Variants in UACA observed in about 807,000 individuals in gnomAD.
UACA encodes the protein uveal autoantigen with coiled-coil domains and ankyrin repeats.
UACA carries 112 observed loss-of-function variants against 160.5 expected under a neutral mutation model. The ratio of observed to expected loss-of-function variants is 0.70; its 90% CI spans 0.60 to 0.82. UACA has a LOEUF of 0.82. Among genes scored for constraint, UACA ranks in the 40% least tolerant of loss-of-function variants. The pLI, the probability that UACA is intolerant of heterozygous loss-of-function variation, is 0.00. For synonymous variants in UACA, 557 were observed against 568.4 expected, an observed-to-expected ratio of 0.98 and a Z score of 0.29; for missense variants, 1,574 against 1,614.6, an observed-to-expected ratio of 0.97 and a Z score of 0.43.
intron 18 of UACA, among the ~76,000 whole-genome samples, chr15:70,657,726 A>G (rs1896531549): frequency 6.6e-6 from 1 of 152,184 alleles, no homozygotes; most frequent in Non-Finnish European, 1.5e-5. Flanking sequence ...ATAAATGAAC[A>G]AAGTAAACTA....
chr15:70,671,026 A>T lies in UACA; in HGVS notation c.1221+13T>A, dbSNP rs779359927. On this transcript the variant is annotated intron_variant, in intron 15 of 18. Transcript: ENST00000322954. ...AAATGTTTTTTAAAATTAAAAAAAA[A>T]AACAGTTATTACCTGTGAGTCTGCC... 1.3e-6 allele frequency: 2 copies of T among 1,517,978 alleles called. No homozygotes were observed. The highest frequency in any genetic ancestry group is 1.8e-6 in the Non-Finnish European group (2 of 1,134,382). 94.0% of individuals were successfully genotyped at this position (1,517,978 alleles called of 1,614,324 possible).
At chr15:70,770,629 T>G in the UACA span, among the ~76,000 whole-genome samples, 1 of 152,216 alleles carries the variant, frequency 6.6e-6, no homozygotes, top group South Asian at 2.1e-4. Context: ...GAGAAGCATG[T>G]TTTATGCTCC....
chr15:70,744,421 C>T (rs961201386), intron 1 of UACA, among the ~76,000 whole-genome samples: 1 of 152,020 alleles, frequency 6.6e-6, no homozygotes, highest in African/African-American at 2.4e-5. Flanking sequence ...AAAAGTACCT[C>T]ACATATACCC....
In UACA at chr15:70,666,759, C is replaced by T. The variant is rs1209929563; in HGVS notation, c.3925G>A (p.Glu1309Lys). The T allele has an allele frequency of 1.2e-6, 2 of 1,608,776 alleles. No individual in the cohort carries two copies. The highest frequency in any genetic ancestry group is 1.7e-5 in the Admixed American group (1 of 58,704). ...TTTGCTTCTATTTGTTTAGCAGATT[C>T]TTGTATTCTTCTTTGTAACTCTGTG... ...TITELQRRIQ[E>K]SAKQIEAKDN... The change falls in exon 16 of 19, where the codon GAA becomes AAA. Residue 1309 changes from glutamate to lysine, a missense_variant. By Grantham distance (56) the Glu-to-Lys change is moderately conservative. Coordinates refer to ENST00000322954, the MANE Select transcript of UACA (RefSeq NM_018003.4).
chr15:70,742,730 T>A (rs1899576419), intron 1 of UACA, among the ~76,000 whole-genome samples: 1 of 152,242 alleles, frequency 6.6e-6, no homozygotes, highest in East Asian at 1.9e-4. Context: ...ATGACTATTA[T>A]CAGGTTGTAC....
At chr15:70,657,991 G>GA (rs2031884386) in intron 18 of UACA, among the ~76,000 whole-genome samples, 1 of 151,982 alleles carries the variant, frequency 6.6e-6, no homozygotes, top group African/African-American at 2.4e-5. Flanking sequence ...TTGGGAGGTT[G>GA]AGGGAGGATG....
upstream of UACA, among the ~76,000 whole-genome samples, chr15:70,766,078 G>A (rs184713159): frequency 2.6e-5 from 4 of 152,298 alleles, no homozygotes; most frequent in African/African-American, 9.6e-5. Flanking sequence ...AAAATGTTGG[G>A]CAAGTTATTT....
chr15:70,682,389 T>C (rs1452960023), intron 9 of UACA, among the ~76,000 whole-genome samples: 1 of 152,206 alleles, frequency 6.6e-6, no homozygotes, highest in Non-Finnish European at 1.5e-5. Flanking sequence ...ACAGTCAATA[T>C]TTTGTCCTGT....
At chr15:70,721,641 A>T (rs1382961573) in intron 1 of UACA, among the ~76,000 whole-genome samples, 1 of 151,694 alleles carries the variant, frequency 6.6e-6, no homozygotes, top group Non-Finnish European at 1.5e-5. Flanking sequence ...AAAAAAAAAA[A>T]ATTACAGTTG....
At chr15:70,723,234 C>A (rs1247657948) in intron 1 of UACA, among the ~76,000 whole-genome samples, 1 of 152,232 alleles carries the variant, frequency 6.6e-6, no homozygotes, top group African/African-American at 2.4e-5. Flanking sequence ...GCGGCTCACG[C>A]CTGTAATCCT....
chr15:70,660,780 G>C (rs1327868224), intron 17 of UACA: 1 of 152,190 alleles, frequency 6.6e-6, no homozygotes, highest in Non-Finnish European at 1.5e-5. Context: ...TATTTCTGTT[G>C]CCCATGGTAT....
At chr15:70,773,072 G>A in the UACA span, among the ~76,000 whole-genome samples, 53 of 149,632 alleles carry the variant, frequency 3.5e-4, no homozygotes, top group Non-Finnish European at 6.1e-4. Flanking sequence ...AAGAAAGAAA[G>A]AAATCAAACA....
At chr15:70,754,142 T>G (rs1291688536) in intron 1 of UACA, 2 of 455,956 alleles carry the variant, frequency 4.4e-6, no homozygotes, top group East Asian at 1.4e-4. Flanking sequence ...GTATGACTTT[T>G]GTGGGACAGT....
chr15:70,693,974 T>G (rs532528912), intron 3 of UACA, among the ~76,000 whole-genome samples: 59 of 152,322 alleles, frequency 3.9e-4, no homozygotes, highest in African/African-American at 1.3e-3. Context: ...AAGATTTACC[T>G]CACTAATTCA....
intron 1 of UACA, among the ~76,000 whole-genome samples, chr15:70,711,608 A>T (rs1363218062): frequency 6.6e-6 from 1 of 152,202 alleles, no homozygotes; most frequent in Non-Finnish European, 1.5e-5. Context: ...GATAGTGCCA[A>T]GCCCCATTTA....
At position 70,690,438 on chromosome 15, in the gene UACA, G is replaced by A. The variant is rs1413277443; in HGVS notation, c.424+16C>T. 1 of 1,610,738 alleles carries A rather than the reference G, an allele frequency of 6.2e-7. No individual in the cohort carries two copies. Among genetic ancestry groups the A allele is most frequent in the Non-Finnish European group, 8.5e-7 (1 of 1,178,260 alleles). ...ATTTTAACAAATATTTGTATCCAAGGGAAACCACTGCTCACCGGCATCGTG... is the reference window on the plus strand; with the variant it reads ...ATTTTAACAAATATTTGTATCCAAGAGAAACCACTGCTCACCGGCATCGTG... On this transcript the variant is annotated intron_variant, in intron 5 of 18. Coordinates refer to ENST00000322954, the MANE Select transcript of UACA (RefSeq NM_018003.4).
chr15:70,669,297 G>A lies in UACA; in HGVS notation c.1387C>T (p.Leu463Phe), dbSNP rs1566966234. ...CESAKQDRLK[L>F]QNELAHKVAE... is the part of the protein sequence containing the mutation. Reference sequence around the variant, plus strand: ...ACTTTGTGTGCCAGTTCATTTTGGAGCTTCAGTCGGTCTTGTTTTGCTGAC... The same window carrying A: ...ACTTTGTGTGCCAGTTCATTTTGGAACTTCAGTCGGTCTTGTTTTGCTGAC... The change falls in exon 16 of 19, where the codon CTC becomes TTC. Residue 463 changes from leucine to phenylalanine, a missense_variant. Coordinates refer to ENST00000322954, the MANE Select transcript of UACA (RefSeq NM_018003.4). 1 of 1,614,020 alleles carries A rather than the reference G, an allele frequency of 6.2e-7. No individual in the cohort carries two copies. Among genetic ancestry groups the A allele is most frequent in the Admixed American group, 1.7e-5 (1 of 60,004 alleles).
Position 70,667,176 on chromosome 15 carries a change from A to G in UACA, c.3508T>C (p.Leu1170=), listed in dbSNP as rs1410091794. ...TTCTCAAATGCTTCTTTAATCTGCA[A>G]ATGCTCTGCCAGGGGTACAGAAGAG... is the stretch of plus-strand genomic sequence containing the variant. The part of the protein sequence containing the change: ...KNSSVPLAEH[L]QIKEAFEKEV... The change falls in exon 16 of 19, where the codon TTG becomes CTG. Residue 1170 remains leucine, a synonymous_variant. Transcript: ENST00000322954. The G allele has an allele frequency of 6.2e-7, 1 of 1,613,902 alleles. No individual in the cohort carries two copies. Among genetic ancestry groups the G allele is most frequent in the East Asian group, 2.2e-5 (1 of 44,864 alleles).
intron 1 of UACA, among the ~76,000 whole-genome samples, chr15:70,750,729 G>A (rs950492040): frequency 1.3e-5 from 2 of 152,168 alleles, no homozygotes; most frequent in Non-Finnish European, 2.9e-5. Flanking sequence ...AAATTAGTCA[G>A]GCATGGTGGC....
Sources: allele counts gnomAD v4.1 joint callset (sites outside exome capture counted in the v4.1 genomes callset), GRCh38; gene constraint gnomAD v4.1.1; transcripts MANE v1.5; gene names NCBI Gene and HGNC (gene_info 2026-07-23, HGNC 2026-07-21).